Variants in SEMA6D observed in about 807,000 individuals in gnomAD.
The protein encoded by SEMA6D is semaphorin 6D, also known as semaphorin-6D.
In SEMA6D, 35 loss-of-function variants were observed where a neutral mutation model predicts 106.6. The ratio of observed to expected loss-of-function variants is 0.33; its 90% CI spans 0.25 to 0.44. The LOEUF is 0.44. Among genes scored for constraint, SEMA6D ranks in the 20% least tolerant of loss-of-function variants. The probability of loss-of-function intolerance (pLI) is 1.00; values close to 1 mark genes in which losing one functional copy is unlikely to be tolerated. For missense variants in SEMA6D, 1,185 were observed against 1,345.9 expected (o/e 0.88, Z 1.87); for synonymous variants, 499 against 487.7 (o/e 1.02, Z -0.31).
chr15:47,521,611 C>T (rs553608029), intron 3 of SEMA6D, among the ~76,000 whole-genome samples: 1 of 152,304 alleles, frequency 6.6e-6, no homozygotes, highest in South Asian at 2.1e-4. Context: ...TTTGCGATTA[C>T]AATCTCCTTA....
At position 47,407,368 on chromosome 15, in the gene SEMA6D, C is replaced by CAAA. The variant is rs779136178; in HGVS notation, c.-238-5008_-238-5006dup. Reference sequence around the variant, plus strand: ...TGGCTGACAGAGCAAGACTCTATCTCAAAAAAAAAAAAAAAAAAACCAAAA... The same window carrying CAAA: ...TGGCTGACAGAGCAAGACTCTATCTCAAAAAAAAAAAAAAAAAAAAAACCAAAA... On this transcript the variant is annotated intron_variant, in intron 1 of 19. Coordinates refer to the SEMA6D transcript ENST00000558014. Among the ~76,000 whole-genome samples the CAAA allele has an allele frequency of 8.6e-3, 411 of 47,734 alleles. 13 individuals carry two copies. Among genetic ancestry groups the CAAA allele is most frequent in the East Asian group, 0.016 (20 of 1,214 alleles). The allele number at this position is 47,734 out of a possible 152,430, so 31.3% of individuals were successfully genotyped here.
intron 1 of SEMA6D, among the ~76,000 whole-genome samples, chr15:47,386,461 G>A (rs757478106): frequency 4.6e-5 from 7 of 152,158 alleles, no homozygotes; most frequent in Admixed American, 3.9e-4. Flanking sequence ...AGTTAGAGGC[G>A]GGTGCTGGGA....
intron 1 of SEMA6D, among the ~76,000 whole-genome samples, chr15:47,352,513 A>G (rs1352545626): frequency 2.0e-5 from 3 of 152,174 alleles, no homozygotes; most frequent in Non-Finnish European, 4.4e-5. Flanking sequence ...AGAAGGATGG[A>G]TGTAGTTCGG....
At chr15:47,289,465 T>C (rs2035511763) in intron 1 of SEMA6D, among the ~76,000 whole-genome samples, 1 of 151,254 alleles carries the variant, frequency 6.6e-6, no homozygotes, top group Non-Finnish European at 1.5e-5. Flanking sequence ...TCAGTATTTA[T>C]AATCTTAAGG....
intron 1 of SEMA6D, among the ~76,000 whole-genome samples, chr15:47,276,089 A>AG (rs1333169065): frequency 6.6e-6 from 1 of 152,162 alleles, no homozygotes; most frequent in East Asian, 1.9e-4. Flanking sequence ...ATGAAGGCTG[A>AG]GAGAGGTGAA....
At chr15:47,647,517 A>G (rs2077602771) in intron 4 of SEMA6D, among the ~76,000 whole-genome samples, 1 of 152,224 alleles carries the variant, frequency 6.6e-6, no homozygotes, top group Non-Finnish European at 1.5e-5. Context: ...ATACATTTCC[A>G]TACTTAACAG....
At chr15:47,747,508 T>C (rs2147227181) in intron 1 of SEMA6D, among the ~76,000 whole-genome samples, 1 of 152,344 alleles carries the variant, frequency 6.6e-6, no homozygotes, top group East Asian at 1.9e-4. Context: ...AAGAGGTTTT[T>C]AATTTTCAGA....
chr15:47,579,285 G>A (rs911389185), intron 3 of SEMA6D, among the ~76,000 whole-genome samples: 73 of 152,042 alleles, frequency 4.8e-4, no homozygotes, highest in African/African-American at 1.7e-3. Flanking sequence ...GGGATTACAG[G>A]CACCTACCAC....
chr15:47,279,870 A>G (rs1309263248), intron 1 of SEMA6D, among the ~76,000 whole-genome samples: 2 of 149,458 alleles, frequency 1.3e-5, no homozygotes, highest in Non-Finnish European at 3.0e-5. Flanking sequence ...CATCCCAGGG[A>G]TGAAGACCAC....
intron 3 of SEMA6D, among the ~76,000 whole-genome samples, chr15:47,496,920 T>G (rs2043683594): frequency 6.6e-6 from 1 of 152,022 alleles, no homozygotes; most frequent in Admixed American, 6.6e-5. Context: ...TTGCTGCCTC[T>G]CCTCTCTTGG....
At chr15:47,692,195 A>G (rs17327971) in intron 4 of SEMA6D, among the ~76,000 whole-genome samples, 38,641 of 152,062 alleles carry the variant, frequency 0.25, 5,103 homozygotes, top group South Asian at 0.3. Flanking sequence ...TCCTTAGCTA[A>G]TGACATCTAG....
intron 3 of SEMA6D, among the ~76,000 whole-genome samples, chr15:47,510,638 A>G (rs2044197345): frequency 6.6e-6 from 1 of 152,338 alleles, no homozygotes; most frequent in Non-Finnish European, 1.5e-5. Flanking sequence ...AAACAACATA[A>G]GACGGCCAGA....
intron 3 of SEMA6D, among the ~76,000 whole-genome samples, chr15:47,494,962 G>T (rs1253759100): frequency 1.3e-5 from 2 of 150,834 alleles, no homozygotes; most frequent in Non-Finnish European, 3.0e-5. Context: ...GATGCATTTG[G>T]CTTTGGGGTT....
At position 47,721,328 on chromosome 15, in the gene SEMA6D, G is replaced by A. The variant is rs75209707; in HGVS notation, c.-55+3636G>A. 7.2e-5 allele frequency among the ~76,000 whole-genome samples: 11 copies of A among 152,304 alleles called. No homozygotes were observed. In the East Asian group the frequency reaches 2.1e-3, roughly 29 times the overall value. Reference sequence around the variant, plus strand: ...ACACTAGTGAATGATTCAATGTACTGTTAAGTGTAATTCACGCATTGAATC... The same window carrying A: ...ACACTAGTGAATGATTCAATGTACTATTAAGTGTAATTCACGCATTGAATC... On this transcript the variant is annotated intron_variant, in intron 1 of 18. Coordinates refer to ENST00000536845, the MANE Select transcript of SEMA6D (RefSeq NM_001358351.3).
At chr15:47,611,382 A>C (rs531880925) in intron 4 of SEMA6D, among the ~76,000 whole-genome samples, 1 of 152,224 alleles carries the variant, frequency 6.6e-6, no homozygotes, top group Non-Finnish European at 1.5e-5. Flanking sequence ...TTTGCAATAC[A>C]TTTTTTAAAA....
chr15:47,763,841 G>C lies in SEMA6D; in HGVS notation c.748-9G>C, dbSNP rs367926956. 3 of 1,611,468 alleles carry C rather than the reference G, an allele frequency of 1.9e-6. No individual in the cohort carries two copies. Among genetic ancestry groups the C allele is most frequent in the Non-Finnish European group, 2.5e-6 (3 of 1,178,996 alleles). The stretch of plus-strand genomic sequence containing the variant: ...TAACCCCATTGCTTTGCTTCTATCC[G>C]TTGGGCAGGCTGTGTATTCCCGCGT... On this transcript the variant is annotated splice_polypyrimidine_tract_variant and intron_variant, in intron 9 of 18. Coordinates refer to ENST00000536845, the MANE Select transcript of SEMA6D (RefSeq NM_001358351.3).
At chr15:47,742,511 G>A (rs1353124596) in intron 1 of SEMA6D, among the ~76,000 whole-genome samples, 1 of 152,212 alleles carries the variant, frequency 6.6e-6, no homozygotes, top group East Asian at 1.9e-4. Flanking sequence ...CGACCCACTT[G>A]AGATAGAGCC....
rs562852759 is a variant in SEMA6D at position 47,247,737 on chromosome 15, G to A, written c.-239+63319G>A. Among the ~76,000 whole-genome samples, 105 of 152,204 alleles carry A rather than the reference G, an allele frequency of 6.9e-4. 1 individual carries two copies. Among genetic ancestry groups the A allele is most frequent in the African/African-American group, 2.5e-3 (102 of 41,524 alleles). ...TTCTAGTCTTTGTGCATGTGTGTGT[G>A]TCATATTTGATTCTAAATATGTGAG... On this transcript the variant is annotated intron_variant, in intron 1 of 19. Transcript: ENST00000558014.
At chr15:47,691,967 A>G (rs899092711) in intron 4 of SEMA6D, among the ~76,000 whole-genome samples, 10 of 152,246 alleles carry the variant, frequency 6.6e-5, no homozygotes, top group African/African-American at 2.2e-4. Flanking sequence ...AACATTTACA[A>G]TGAAACACAA....
Sources: gnomAD v4.1 joint callset for allele counts (sites outside exome capture counted in the v4.1 genomes callset) on GRCh38, gnomAD v4.1.1 for gene constraint, MANE v1.5 for transcripts, NCBI Gene and HGNC (gene_info 2026-07-23, HGNC 2026-07-21) for gene names.